The following WNT2B variants were observed in gnomAD, a reference collection of about 807,000 sequenced individuals.
WNT2B encodes the protein protein Wnt-2b.
WNT2B carries 19 observed loss-of-function variants against 40.5 expected under a neutral mutation model. The ratio of observed to expected loss-of-function variants is 0.47; its 90% confidence interval spans 0.33 to 0.69. The LOEUF is 0.69. Ranked by LOEUF, WNT2B falls within the 30% of genes least tolerant of loss-of-function variation. The pLI, the probability that WNT2B is intolerant of heterozygous loss-of-function variation, is 0.02. For missense variants in WNT2B, 467 were observed against 556.4 expected (o/e 0.84, Z 1.62); for synonymous variants, 220 against 211.9 (o/e 1.04, Z -0.33).
upstream of WNT2B, chr1:112,508,921 G>C (rs1652229389): frequency 8.9e-7 from 1 of 1,118,496 alleles, no homozygotes. This position sits in a 1 kb window ranked among gnomAD's most constrained non-coding sequence, Gnocchi z 4.2. Context: ...CCTCGGCCCC[G>C]CCCCGTCCCG....
chr1:112,522,550 CATGTTTTTGAA>C lies in WNT2B; in HGVS notation c.*2042_*2052del, dbSNP rs1180573703. 3.3e-5 allele frequency: 5 copies of C among 152,248 alleles called. No individual in the cohort carries two copies. The highest frequency in any genetic ancestry group is 1.2e-4 in the African/African-American group (5 of 41,466). 9.4% of individuals were successfully genotyped at this position (152,248 alleles called of 1,614,324 possible). ...CCTCTCCAATATCCCTTGGGGTCCT[CATGTTTTTGAA>C]GCAGCTTCACTCTGCACAGGCAGCA... On this transcript the variant is annotated 3_prime_UTR_variant, in exon 5 of 5. Transcript: ENST00000369684.
At position 112,516,411 on chromosome 1, in the gene WNT2B, T is replaced by C; in HGVS notation, c.675T>C (p.Gly225=). 6.2e-7 allele frequency: 1 copy of C among 1,611,920 alleles called. No individual in the cohort carries two copies. The highest frequency in any genetic ancestry group is 8.5e-7 in the Non-Finnish European group (1 of 1,179,322). The change falls in exon 3 of 5, where the codon GGT becomes GGC. Residue 225 remains glycine (G), a synonymous_variant. Coordinates refer to ENST00000369684, the MANE Select transcript of WNT2B (RefSeq NM_024494.3). ...TGAACTTACATAATAACCGCTGTGG[T>C]CGCACGGTCAGTACTCATGTCTGTG... ...ALMNLHNNRC[G]RTAVRRFLKL... is the part of the protein sequence containing the mutation.
intron 1 of WNT2B, among the ~76,000 whole-genome samples, chr1:112,497,379 A>G (rs1040234905): frequency 6.6e-6 from 1 of 152,244 alleles, no homozygotes; most frequent in African/African-American, 2.4e-5. Flanking sequence ...GCGTCCCTGC[A>G]GAGTTAGCAC....
Position 112,486,494 on chromosome 1 carries a change from C to T in WNT2B, c.-95+18903C>T, listed in dbSNP as rs546926296. On this transcript the variant is annotated intron_variant, in intron 1 of 4. Transcript: ENST00000256640. ...ACCAAAAGCACTACCCATAAAGAAC[C>T]AATTGATAAATTGGACTTTATCAAA... Among the ~76,000 whole-genome samples, 17 of 152,066 alleles carry T rather than the reference C, an allele frequency of 1.1e-4. No homozygotes were observed. The South Asian group carries it at 3.5e-3, about 32-fold the overall frequency.
chr1:112,488,697 G>T (rs191501277), intron 1 of WNT2B, among the ~76,000 whole-genome samples: 1 of 151,640 alleles, frequency 6.6e-6, no homozygotes, highest in African/African-American at 2.4e-5. Flanking sequence ...GACTACAGGC[G>T]CTCGCCACCA....
chr1:112,508,146 C>T (rs1387009533), upstream of WNT2B, among the ~76,000 whole-genome samples: 1 of 151,928 alleles, frequency 6.6e-6, no homozygotes, highest in African/African-American at 2.4e-5. This position sits in a 1 kb window ranked among gnomAD's most constrained non-coding sequence, Gnocchi z 4.2. Flanking sequence ...GCCTCTGGTG[C>T]GGGAAAACCT....
intron 1 of WNT2B, among the ~76,000 whole-genome samples, chr1:112,501,993 G>T (rs750179961): frequency 6.6e-6 from 1 of 152,254 alleles, no homozygotes; most frequent in Non-Finnish European, 1.5e-5. Context: ...ACGCCACGGC[G>T]CGGCGCCCGG....
chr1:112,526,292 C>A lies in WNT2B; in HGVS notation c.*5783C>A. 4.8e-6 allele frequency: 3 copies of A among 626,308 alleles called. No homozygotes were observed. The highest frequency in any genetic ancestry group is 7.8e-6 in the Non-Finnish European group (3 of 386,388). The allele number at this position is 626,308 out of a possible 1,614,324, so 38.8% of individuals were successfully genotyped here. ...CCAGTACCATGTGACCACTATACAA[C>A]ATATTCCACATTTAAACAACTCTGG... On this transcript the variant is annotated 3_prime_UTR_variant, in exon 5 of 5. Coordinates refer to ENST00000369684, the MANE Select transcript of WNT2B (RefSeq NM_024494.3).
At chr1:112,475,825 G>A (rs114905627) in intron 1 of WNT2B, among the ~76,000 whole-genome samples, 1,897 of 152,096 alleles carry the variant, frequency 0.012, 43 homozygotes, top group African/African-American at 0.044. Context: ...ATGAATAATC[G>A]CTTACAATTT....
At chr1:112,468,023 GT>G (rs1394156997) in intron 1 of WNT2B, among the ~76,000 whole-genome samples, 1 of 152,132 alleles carries the variant, frequency 6.6e-6, no homozygotes, top group African/African-American at 2.4e-5. Flanking sequence ...ATGAGGTCAA[GT>G]TTTTTAGCTC....
Position 112,525,527 on chromosome 1 carries a change from ATTCC to A in WNT2B, c.*5020_*5023del. On this transcript the variant is annotated 3_prime_UTR_variant, in exon 5 of 5. Transcript: ENST00000369684. The stretch of plus-strand genomic sequence containing the variant: ...ATTATCTCTGAGCATCTCGGTGGCT[ATTCC>A]TCATTTACTTAAGATGTTTTAGTCA... The A allele has an allele frequency of 1.3e-5, 2 of 148,518 alleles. No homozygotes were observed. The highest frequency in any genetic ancestry group is 6.6e-5 in the Admixed American group (1 of 15,060). 9.2% of individuals were successfully genotyped at this position (148,518 alleles called of 1,614,324 possible).
intron 1 of WNT2B, among the ~76,000 whole-genome samples, chr1:112,499,441 G>T (rs575641251): frequency 6.6e-6 from 1 of 152,158 alleles, no homozygotes; most frequent in South Asian, 2.1e-4. Flanking sequence ...TGTATAAAAA[G>T]AATTAGGCAC....
Position 112,525,975 on chromosome 1 carries a change from T to G in WNT2B, c.*5466T>G. The G allele has an allele frequency of 2.5e-6, 4 of 1,611,970 alleles. No individual in the cohort carries two copies. Among genetic ancestry groups the G allele is most frequent in the Non-Finnish European group, 3.4e-6 (4 of 1,178,488 alleles). On this transcript the variant is annotated 3_prime_UTR_variant, in exon 5 of 5. Coordinates refer to ENST00000369684, the MANE Select transcript of WNT2B (RefSeq NM_024494.3). ...CTTTACAGATGCTGTTCAGAAAAAT[T>G]TGGTGATTTGTCCAAGGTCACATGA...
intron 4 of WNT2B, among the ~76,000 whole-genome samples, chr1:112,519,181 C>T (rs1652720860): frequency 6.6e-6 from 1 of 152,128 alleles, no homozygotes; most frequent in African/African-American, 2.4e-5. Context: ...CATTCTGGAT[C>T]CTTTACTCCT....
rs1056239091 is a variant in WNT2B at position 112,517,314 on chromosome 1, G to C, written c.875G>C (p.Arg292Pro). 1 of 1,614,056 alleles carries C rather than the reference G, an allele frequency of 6.2e-7. No individual in the cohort carries two copies. Among genetic ancestry groups the C allele is most frequent in the Non-Finnish European group, 8.5e-7 (1 of 1,180,016 alleles). ...ANFTAARQGYRRATRTDLVYF... is the reference protein window; with the variant it reads ...ANFTAARQGYPRATRTDLVYF... ...TTCACCGCAGCCCGCCAAGGCTATC[G>C]CCGTGCCACCCGGACTGATCTTGTC... Residue 292 changes from arginine to proline, a missense_variant, in exon 4 of 5, where the codon CGC becomes CCC. By Grantham distance (103) the Arg-to-Pro change is moderately radical. Coordinates refer to ENST00000369684, the MANE Select transcript of WNT2B (RefSeq NM_024494.3).
At chr1:112,484,440 T>G (rs115666960) in intron 1 of WNT2B, among the ~76,000 whole-genome samples, 2,463 of 151,136 alleles carry the variant, frequency 0.016, 61 homozygotes, top group African/African-American at 0.054. Context: ...GGCTAATTTT[T>G]TTTTTGTTTT....
chr1:112,495,348 G>A (rs1458983290), intron 1 of WNT2B, among the ~76,000 whole-genome samples: 2 of 151,950 alleles, frequency 1.3e-5, no homozygotes, highest in Admixed American at 6.6e-5. Context: ...AGGCTGAGGT[G>A]GGCAGATCAC....
chr1:112,478,108 C>G (rs1651105192), intron 1 of WNT2B, among the ~76,000 whole-genome samples: 2 of 152,086 alleles, frequency 1.3e-5, no homozygotes, highest in South Asian at 4.1e-4. Flanking sequence ...ATGGTGCATG[C>G]CTGTGGTCTC....
rs1275771230 is a variant in WNT2B at position 112,529,727 on chromosome 1, C to G, written c.*9218C>G. 2 of 135,840 alleles carry G rather than the reference C, an allele frequency of 1.5e-5. No individual in the cohort carries two copies. The highest frequency in any genetic ancestry group is 5.5e-5 in the African/African-American group (2 of 36,046). The allele number at this position is 135,840 out of a possible 1,614,324, so 8.4% of individuals were successfully genotyped here. A position where few individuals can be genotyped will look rare whatever the true frequency, so the allele number is the denominator to read the frequency against. On this transcript the variant is annotated 3_prime_UTR_variant, in exon 5 of 5. Coordinates refer to ENST00000369684, the MANE Select transcript of WNT2B (RefSeq NM_024494.3). ...GGCCAAAAAAACAGAAGGTTACTCT[C>G]AATGCCATCCAAAAGATAAAAGTTA...
Sources: gnomAD v4.1 joint callset for allele counts (sites outside exome capture counted in the v4.1 genomes callset) on GRCh38, gnomAD v4.1.1 for gene constraint, Gnocchi (gnomAD v3.1) non-coding constraint, MANE v1.5 for transcripts, NCBI Gene and HGNC (gene_info 2026-07-23, HGNC 2026-07-21) for gene names.